Variants in GLIS1 observed in about 807,000 individuals in gnomAD.
GLIS1 encodes zinc finger protein GLIS1.
In GLIS1, 24 loss-of-function variants were observed where a neutral mutation model predicts 63.8. The ratio of observed to expected loss-of-function variants is 0.38; its 90% CI spans 0.27 to 0.53. The LOEUF (loss-of-function observed/expected upper bound fraction) is 0.53, where lower values mean the gene tolerates loss of function less well. Among genes scored for constraint, GLIS1 ranks in the 20% least tolerant of loss-of-function variants. The pLI is 0.85. For synonymous variants in GLIS1, 450 were observed against 482.5 expected (o/e 0.93, Z 0.88); for missense variants, 1,036 against 1,074.1 (o/e 0.96, Z 0.50).
Position 53,738,158 on chromosome 1 carries a change from AT to A in GLIS1, c.-42-53del, listed in dbSNP as rs1241236103. The A allele has an allele frequency of 4.5e-6, 5 of 1,109,102 alleles. No homozygotes were observed. The East Asian group carries it at 1.3e-4, about 29-fold the overall frequency. The allele number at this position is 1,109,102 out of a possible 1,614,324, so 68.7% of individuals were successfully genotyped here. On this transcript the variant is annotated intron_variant, in intron 1 of 10. Coordinates refer to ENST00000628545, the MANE Select transcript of GLIS1 (RefSeq NM_001367484.1). ...TTAGAATGCGGAAAGCGGCCCCCGT[AT>A]TGTCCCGGGGCCGAGTTTGAGCAGG...
At chr1:53,634,799 G>A (rs1645705713) in intron 2 of GLIS1, among the ~76,000 whole-genome samples, 1 of 152,092 alleles carries the variant, frequency 6.6e-6, no homozygotes, top group African/African-American at 2.4e-5. Flanking sequence ...TGCCTCTGGA[G>A]CCACCTTGAC....
intron 5 of GLIS1, among the ~76,000 whole-genome samples, chr1:53,525,463 A>AGGCTGGGG (rs1644456756): frequency 4.5e-4 from 1 of 2,232 alleles, no homozygotes; most frequent in Non-Finnish European, 8.7e-4. Context: ...AGGGCTGGGG[A>AGGCTGGGG]GGCTGGGGAG....
chr1:53,728,958 G>A (rs1473398960), intron 2 of GLIS1, among the ~76,000 whole-genome samples: 3 of 152,210 alleles, frequency 2.0e-5, no homozygotes, highest in Admixed American at 6.5e-5. Flanking sequence ...ACTATCTGTA[G>A]GACAAACTGA....
chr1:53,707,422 C>T (rs1646591080), intron 2 of GLIS1, among the ~76,000 whole-genome samples: 1 of 152,082 alleles, frequency 6.6e-6, no homozygotes, highest in Non-Finnish European at 1.5e-5. Flanking sequence ...GAGGCCAAGG[C>T]GGGTGGATCA....
At chr1:53,601,839 C>T (rs1040005424) in intron 2 of GLIS1, among the ~76,000 whole-genome samples, 5 of 152,228 alleles carry the variant, frequency 3.3e-5, no homozygotes, top group Non-Finnish European at 7.3e-5. Flanking sequence ...AAGGCAGTTC[C>T]TTTGGCACAC....
At chr1:53,575,528 C>T (rs1321585506) in intron 4 of GLIS1, among the ~76,000 whole-genome samples, 1 of 152,184 alleles carries the variant, frequency 6.6e-6, no homozygotes. Context: ...GCCCTAGTGT[C>T]CAAGTCCCCT....
At chr1:53,611,588 G>C (rs190112535) in intron 2 of GLIS1, among the ~76,000 whole-genome samples, 1 of 152,280 alleles carries the variant, frequency 6.6e-6, no homozygotes, top group Admixed American at 6.5e-5. Context: ...CTTAAAGGCA[G>C]GTAAAAGAGG....
At chr1:53,731,886 A>G (rs1375551152) in intron 2 of GLIS1, among the ~76,000 whole-genome samples, 2 of 152,218 alleles carry the variant, frequency 1.3e-5, no homozygotes, top group African/African-American at 2.4e-5. Context: ...TTCCCAGCCC[A>G]GTCAGTGTGG....
At chr1:53,617,108 G>A (rs1557483544) in intron 2 of GLIS1, among the ~76,000 whole-genome samples, 1 of 152,104 alleles carries the variant, frequency 6.6e-6, no homozygotes, top group Non-Finnish European at 1.5e-5. Flanking sequence ...CAGCCCGCCA[G>A]GAACAACAGG....
intron 2 of GLIS1, among the ~76,000 whole-genome samples, chr1:53,630,652 T>A (rs1294975155): frequency 6.6e-6 from 1 of 152,148 alleles, no homozygotes; most frequent in Non-Finnish European, 1.5e-5. Flanking sequence ...TGTGCCACCA[T>A]GGCTCGCTAA....
chr1:53,508,094 G>C lies in GLIS1; in HGVS notation c.2230+1026C>G, dbSNP rs536781241. On this transcript the variant is annotated intron_variant, in intron 10 of 10. Coordinates refer to ENST00000628545, the MANE Select transcript of GLIS1 (RefSeq NM_001367484.1). ...ACGTCTGTGGAAACAGCCATGAGTCGTGGGGTGGGTGACACAATGTGCACA... is the reference window on the plus strand; with the variant it reads ...ACGTCTGTGGAAACAGCCATGAGTCCTGGGGTGGGTGACACAATGTGCACA... Among the ~76,000 whole-genome samples, 336 of 152,348 alleles carry C rather than the reference G, an allele frequency of 2.2e-3. 3 individuals carry two copies. Among genetic ancestry groups the C allele is most frequent in the African/African-American group, 7.7e-3 (321 of 41,576 alleles).
At position 53,594,917 on chromosome 1, in the gene GLIS1, G is replaced by T. The variant is rs768011154; in HGVS notation, c.511C>A (p.Pro171Thr). Residue 171 changes from proline (P) to threonine (T), a missense_variant, in exon 4 of 11, where the codon CCC becomes ACC. This residue lies in a region of GLIS1 where 592 missense variants were observed against 593.9 expected (regional missense o/e 1.00). Coordinates refer to ENST00000628545, the MANE Select transcript of GLIS1 (RefSeq NM_001367484.1). Reference protein sequence around the residue: ...TTQHIKQESLPDYQAMAEART... With the variant: ...TTQHIKQESLTDYQAMAEART... ...GCCTCTGCCATGGCTTGGTAGTCGGGCAAGGACTCCTGTTTGATGTGTTGT... is the reference window on the plus strand; with the variant it reads ...GCCTCTGCCATGGCTTGGTAGTCGGTCAAGGACTCCTGTTTGATGTGTTGT... 1 of 1,512,520 alleles carries T rather than the reference G, an allele frequency of 6.6e-7. No homozygotes were observed. Among genetic ancestry groups the T allele is most frequent in the Admixed American group, 2.1e-5 (1 of 46,954 alleles). 93.7% of individuals were successfully genotyped at this position (1,512,520 alleles called of 1,614,324 possible).
intron 2 of GLIS1, among the ~76,000 whole-genome samples, chr1:53,713,487 G>T (rs1035879226): frequency 7.3e-5 from 11 of 150,910 alleles, no homozygotes; most frequent in African/African-American, 2.7e-4. Flanking sequence ...ACCACCCTGG[G>T]CAAAACGGTG....
At chr1:53,676,160 T>C (rs1442462223) in intron 2 of GLIS1, among the ~76,000 whole-genome samples, 4 of 152,086 alleles carry the variant, frequency 2.6e-5, no homozygotes, top group Non-Finnish European at 5.9e-5. Flanking sequence ...TTTGAGGTTT[T>C]GGTCAAATCT....
intron 8 of GLIS1, among the ~76,000 whole-genome samples, 195 bp downstream of exon 8, chr1:53,514,430 A>G (rs1644328639): frequency 6.6e-6 from 1 of 152,348 alleles, no homozygotes; most frequent in East Asian, 1.9e-4. Flanking sequence ...CGGTCTACTC[A>G]GAGTTACTGC....
intron 2 of GLIS1, among the ~76,000 whole-genome samples, chr1:53,716,189 T>C (rs1646696664): frequency 6.6e-6 from 1 of 152,152 alleles, no homozygotes. Flanking sequence ...CTGGGCTCTT[T>C]CAGGGTTCCG....
intron 2 of GLIS1, among the ~76,000 whole-genome samples, chr1:53,699,023 G>T (rs564888381): frequency 6.6e-6 from 1 of 151,804 alleles, no homozygotes; most frequent in East Asian, 1.9e-4. Context: ...TTACAGCCAT[G>T]ATTGTTTTTT....
intron 2 of GLIS1, among the ~76,000 whole-genome samples, chr1:53,694,415 T>G (rs564702811): frequency 6.6e-6 from 1 of 152,224 alleles, no homozygotes; most frequent in Non-Finnish European, 1.5e-5. Context: ...CGGCTGGCCC[T>G]GCCAGGGACC....
At chr1:53,724,139 C>G (rs1646783371) in intron 2 of GLIS1, among the ~76,000 whole-genome samples, 1 of 152,224 alleles carries the variant, frequency 6.6e-6, no homozygotes, top group Non-Finnish European at 1.5e-5. Flanking sequence ...AGCATGACAG[C>G]CCCATCTCAA....
Sources: gnomAD v4.1 joint callset for allele counts (sites outside exome capture counted in the v4.1 genomes callset) on GRCh38, gnomAD v4.1.1 for gene constraint, gnomAD v4.1.1 regional missense constraint, MANE v1.5 for transcripts, NCBI Gene and HGNC (gene_info 2026-07-23, HGNC 2026-07-21) for gene names.